Variants in PHKG2 observed in about 807,000 individuals in gnomAD.
The protein encoded by PHKG2 is phosphorylase kinase catalytic subunit gamma 2, also known as phosphorylase b kinase gamma catalytic chain, liver/testis isoform.
In PHKG2, 28 loss-of-function variants were observed where a neutral mutation model predicts 44.5. The observed-to-expected ratio is 0.63, with a 90% CI of 0.47 to 0.86. PHKG2 has a LOEUF of 0.86. Ranked by LOEUF, PHKG2 falls within the 40% of genes least tolerant of loss-of-function variation. The pLI, the probability that PHKG2 is intolerant of heterozygous loss-of-function variation, is 0.00. For missense variants in PHKG2, 498 were observed against 547.5 expected, an observed-to-expected ratio of 0.91 and a Z score of 0.90; for synonymous variants, 220 against 211.2, an observed-to-expected ratio of 1.04 and a Z score of -0.36.
Position 30,759,300 on chromosome 16 carries a change from G to C in PHKG2, c.*2203G>C. Reference sequence around the variant, plus strand: ...AAGGAGTGCACCTGTGCTGAGGGGAGGGGCGGTTGAGGGTGGCTCCTCATG... The same window carrying C: ...AAGGAGTGCACCTGTGCTGAGGGGACGGGCGGTTGAGGGTGGCTCCTCATG... On this transcript the variant is annotated 3_prime_UTR_variant, in exon 10 of 10. Transcript: ENST00000563588. The C allele has an allele frequency of 6.2e-7, 1 of 1,612,858 alleles. No homozygotes were observed. The highest frequency in any genetic ancestry group is 1.1e-5 in the South Asian group (1 of 91,066).
intron 4 of PHKG2, chr16:30,752,968 C>A: frequency 1.9e-6 from 1 of 536,644 alleles, no homozygotes; most frequent in Non-Finnish European, 3.4e-6. Flanking sequence ...TTACTCTCAA[C>A]AAGAACCTCC....
At chr16:30,749,148 G>GTGGTGC (rs2053305901) in intron 2 of PHKG2, among the ~76,000 whole-genome samples, 2 of 131,404 alleles carry the variant, frequency 1.5e-5, no homozygotes, top group Non-Finnish European at 3.3e-5. Context: ...GCTGGTGCTG[G>GTGGTGC]TGGTGGTGCT....
Position 30,760,481 on chromosome 16 carries a change from A to G in PHKG2, c.*3384A>G. 6.8e-6 allele frequency: 11 copies of G among 1,612,952 alleles called. No individual in the cohort carries two copies. The highest frequency in any genetic ancestry group is 9.3e-6 in the Non-Finnish European group (11 of 1,179,250). ...TGGGAGGGAGAGAGGAGTGAGTGAC[A>G]ACTGGGCCTCCTTTCATCACCCTAC... On this transcript the variant is annotated 3_prime_UTR_variant, in exon 10 of 10. Transcript: ENST00000563588.
chr16:30,749,096 GCTGC>G (rs2053301160), intron 2 of PHKG2, among the ~76,000 whole-genome samples, 181 bp downstream of exon 2: 2 of 57,318 alleles, frequency 3.5e-5, no homozygotes, highest in African/African-American at 5.6e-5. Context: ...TGGTGCTGCT[GCTGC>G]TGCTGCTGCT....
intron 3 of PHKG2, 93 bp downstream of exon 3, chr16:30,751,374 C>T (rs2053341614): frequency 9.4e-6 from 13 of 1,390,292 alleles, no homozygotes; most frequent in Non-Finnish European, 1.3e-5. Flanking sequence ...TGCCTCCACA[C>T]CTCTCCTCCC....
At position 30,758,021 on chromosome 16, in the gene PHKG2, C is replaced by T. The variant is rs947876180; in HGVS notation, c.*924C>T. On this transcript the variant is annotated 3_prime_UTR_variant, in exon 10 of 10. Coordinates refer to ENST00000563588, the MANE Select transcript of PHKG2 (RefSeq NM_000294.3). ...TAAAATGCTTAGAGCAGGGCATGCA[C>T]TGCACACCTATTGCCAAGTATGTGC... is the stretch of plus-strand genomic sequence containing the variant. 2 of 194,790 alleles carry T rather than the reference C, an allele frequency of 1.0e-5. No individual in the cohort carries two copies. The highest frequency in any genetic ancestry group is 2.4e-5 in the African/African-American group (1 of 42,452). 12.1% of individuals were successfully genotyped at this position (194,790 alleles called of 1,614,324 possible).
chr16:30,757,574 G>T lies in PHKG2; in HGVS notation c.*477G>T, dbSNP rs182267845. On this transcript the variant is annotated 3_prime_UTR_variant, in exon 10 of 10. Transcript: ENST00000563588. ...AGCCTTTCCTCGCTGGCCTTGAGCC[G>T]CTCCTCCACCAGCCCCTGGAGCTGC... is the stretch of plus-strand genomic sequence containing the variant. The T allele has an allele frequency of 4.6e-5, 74 of 1,614,056 alleles. No individual in the cohort carries two copies. The highest frequency in any genetic ancestry group is 6.1e-5 in the Non-Finnish European group (72 of 1,180,032).
chr16:30,757,204 C>T lies in PHKG2; in HGVS notation c.*107C>T. On this transcript the variant is annotated 3_prime_UTR_variant, in exon 10 of 10. Transcript: ENST00000563588. ...CTCTGGCCTCAGGCCCACTAATGATCCTGCTACCCTCTTGAAGACCAGCCC... is the reference window on the plus strand; with the variant it reads ...CTCTGGCCTCAGGCCCACTAATGATTCTGCTACCCTCTTGAAGACCAGCCC... The T allele has an allele frequency of 1.3e-6, 2 of 1,594,988 alleles. No individual in the cohort carries two copies. Among genetic ancestry groups the T allele is most frequent in the Non-Finnish European group, 1.7e-6 (2 of 1,177,490 alleles).
At chr16:30,753,660 G>T (rs978598416) in intron 6 of PHKG2, 103 bp downstream of exon 6, 15 of 1,199,736 alleles carry the variant, frequency 1.3e-5, no homozygotes, top group Non-Finnish European at 1.1e-5. Flanking sequence ...CAAGAAAAAG[G>T]GAGAAGTCAT....
Position 30,760,343 on chromosome 16 carries a change from G to A in PHKG2, c.*3246G>A. 1 of 1,614,226 alleles carries A rather than the reference G, an allele frequency of 6.2e-7. No individual in the cohort carries two copies. Among genetic ancestry groups the A allele is most frequent in the Non-Finnish European group, 8.5e-7 (1 of 1,180,046 alleles). ...ACAAGCCGCTGACGTCTGCTCCAGTGAGAAGCCCTGCTGGCGGCAGAAAAT... is the reference window on the plus strand; with the variant it reads ...ACAAGCCGCTGACGTCTGCTCCAGTAAGAAGCCCTGCTGGCGGCAGAAAAT... On this transcript the variant is annotated 3_prime_UTR_variant, in exon 10 of 10. Coordinates refer to ENST00000563588, the MANE Select transcript of PHKG2 (RefSeq NM_000294.3).
At position 30,756,351 on chromosome 16, in the gene PHKG2, C is replaced by G. The variant is rs772044187; in HGVS notation, c.648-16C>G. The G allele has an allele frequency of 6.2e-7, 1 of 1,614,164 alleles. No individual in the cohort carries two copies. The highest frequency in any genetic ancestry group is 1.1e-5 in the South Asian group (1 of 91,074). On this transcript the variant is annotated splice_polypyrimidine_tract_variant and intron_variant, in intron 7 of 9. Transcript: ENST00000563588. ...GCCCGTCACCTAGTCCCGCCTGACT[C>G]CAGTCTCTTTCCCAGCTGGGCCTGT...
chr16:30,756,065 A>C, intron 6 of PHKG2, 117 bp from the exon 7 acceptor site: 2 of 848,152 alleles, frequency 2.4e-6, no homozygotes, highest in Non-Finnish European at 4.1e-6. Flanking sequence ...GGCAGACAGA[A>C]GGAAGATGGG....
intron 4 of PHKG2, among the ~76,000 whole-genome samples, chr16:30,752,254 C>G (rs59503946): frequency 6.5e-4 from 2 of 3,084 alleles, no homozygotes; most frequent in East Asian, 0.017. Context: ...AAAAATTGGC[C>G]AGGCATGGTG....
Position 30,757,396 on chromosome 16 carries a change from G to A in PHKG2, c.*299G>A. 6.5e-7 allele frequency: 1 copy of A among 1,548,528 alleles called. No individual in the cohort carries two copies. The highest frequency in any genetic ancestry group is 1.3e-5 in the South Asian group (1 of 79,712). On this transcript the variant is annotated 3_prime_UTR_variant, in exon 10 of 10. Coordinates refer to ENST00000563588, the MANE Select transcript of PHKG2 (RefSeq NM_000294.3). ...GTCCTGTGTCTGTCTGGCTTGGGCA[G>A]GAAAGCCCAGAAGGTGCTCAGCAGG...
chr16:30,750,103 C>G (rs956567754), intron 2 of PHKG2, among the ~76,000 whole-genome samples: 1 of 151,950 alleles, frequency 6.6e-6, no homozygotes, highest in African/African-American at 2.4e-5. Flanking sequence ...AGTGGTTGCG[C>G]AGGAAATTGA....
chr16:30,759,283 C>T lies in PHKG2; in HGVS notation c.*2186C>T. The T allele has an allele frequency of 6.2e-7, 1 of 1,613,682 alleles. No individual in the cohort carries two copies. The highest frequency in any genetic ancestry group is 8.5e-7 in the Non-Finnish European group (1 of 1,179,696). ...AGGCAGAGGGAGGCTGAAAGGAGTG[C>T]ACCTGTGCTGAGGGGAGGGGCGGTT... On this transcript the variant is annotated 3_prime_UTR_variant, in exon 10 of 10. Transcript: ENST00000563588.
In PHKG2 at chr16:30,756,665, C is replaced by T. The variant is rs767003992; in HGVS notation, c.877C>T (p.Arg293Cys). 9 of 1,613,902 alleles carry T rather than the reference C, an allele frequency of 5.6e-6. No homozygotes were observed. Among genetic ancestry groups the T allele is most frequent in the South Asian group, 3.3e-5 (3 of 91,084 alleles). Residue 293 changes from arginine to cysteine, a missense_variant, in exon 9 of 10, where the codon CGT becomes TGT. Arg to Cys is a radical substitution (Grantham distance 180). Coordinates refer to ENST00000563588, the MANE Select transcript of PHKG2 (RefSeq NM_000294.3). ...GGCCCTACAGCACCCCTTCTTTGAG[C>T]GTTGTGAAGGCAGCCAACCCTGGAA... ...EQALQHPFFE[R>C]CEGSQPWNLT...
intron 6 of PHKG2, among the ~76,000 whole-genome samples, 174 bp downstream of exon 6, chr16:30,753,731 T>C (rs2053381952): frequency 1.3e-5 from 2 of 152,168 alleles, no homozygotes; most frequent in Non-Finnish European, 2.9e-5. Context: ...GTGGGCATCC[T>C]GACCTGGGAG....
rs2053550269 is a variant in PHKG2 at position 30,758,897 on chromosome 16, T to C, written c.*1800T>C. On this transcript the variant is annotated 3_prime_UTR_variant, in exon 10 of 10. Transcript: ENST00000563588. ...TCTTGGACTTCTGCATAAGGGATCA[T>C]TTAGAGAAAGGACTCTGACTAAAAA... The C allele has an allele frequency of 4.3e-5, 64 of 1,505,160 alleles. No homozygotes were observed. The highest frequency in any genetic ancestry group is 5.6e-5 in the Non-Finnish European group (63 of 1,128,588). The allele number at this position is 1,505,160 out of a possible 1,614,324, so 93.2% of individuals were successfully genotyped here. A position where few individuals can be genotyped will look rare whatever the true frequency, so the allele number is the denominator to read the frequency against.
Sources: gnomAD v4.1 joint callset for allele counts (sites outside exome capture counted in the v4.1 genomes callset) on GRCh38, gnomAD v4.1.1 for gene constraint, MANE v1.5 for transcripts, NCBI Gene and HGNC (gene_info 2026-07-23, HGNC 2026-07-21) for gene names.